FREM2: variants seen among roughly 807,000 people sequenced by gnomAD.
FREM2 encodes FRAS1 related extracellular matrix 2.
Under a neutral mutation model 219.9 loss-of-function variants are expected in FREM2, and 119 were observed. The observed-to-expected ratio is 0.54, with a 90% CI of 0.47 to 0.63. The LOEUF (loss-of-function observed/expected upper bound fraction) is 0.63, where lower values mean the gene tolerates loss of function less well. Among genes scored for constraint, FREM2 ranks in the 30% least tolerant of loss-of-function variants. The pLI is 0.00. For missense variants in FREM2, 4,030 were observed against 3,993.6 expected, an observed-to-expected ratio of 1.01 and a Z score of -0.25; for synonymous variants, 1,562 against 1,522.8, an observed-to-expected ratio of 1.03 and a Z score of -0.60.
Position 38,688,295 on chromosome 13 carries a change from AC to A in FREM2, c.954del (p.Lys319SerfsTer7). 1 of 1,614,064 alleles carries A rather than the reference AC, an allele frequency of 6.2e-7. No homozygotes were observed. Among genetic ancestry groups the A allele is most frequent in the Admixed American group, 1.7e-5 (1 of 60,022 alleles). On this transcript the variant is annotated frameshift_variant, in exon 1 of 24. Coordinates refer to ENST00000280481, the MANE Select transcript of FREM2 (RefSeq NM_207361.6). LOFTEE classifies it high-confidence loss of function. Reference sequence around the variant, plus strand: ...TCCGAGGAGGGGCCGAGAACACTGCACCCAAGCCCAGTTTCGTGGCCATGAT... The same window carrying A: ...TCCGAGGAGGGGCCGAGAACACTGCACCAAGCCCAGTTTCGTGGCCATGAT... ...RIRGGAENTA[P>X]KPSFVAMMMM...
In FREM2 at chr13:38,687,393, T is replaced by G. The variant is rs757813863; in HGVS notation, c.49T>G (p.Ser17Ala). 10 of 1,609,000 alleles carry G rather than the reference T, an allele frequency of 6.2e-6. No individual in the cohort carries two copies. Among genetic ancestry groups the G allele is most frequent in the Non-Finnish European group, 8.5e-6 (10 of 1,178,180 alleles). ...GTTATCCTCGCGCCGGACAGGCAAC[T>G]CCACCAGCTTTCAACCAGGACCGCC... ...PGLSSRRTGNSTSFQPGPPPP... is the reference protein window; with the variant it reads ...PGLSSRRTGNATSFQPGPPPP... The change falls in exon 1 of 24, where the codon TCC becomes GCC. Residue 17 changes from serine to alanine, a missense_variant. Ser to Ala is a moderately conservative substitution (Grantham distance 99). Around this residue, in one of 2 missense-constraint regions of FREM2, gnomAD observed 3,102 missense variants for 2,950.7 expected, o/e 1.05. Transcript: ENST00000280481.
intron 22 of FREM2, among the ~76,000 whole-genome samples, chr13:38,878,529 A>G (rs775467085): frequency 6.6e-6 from 1 of 151,438 alleles, no homozygotes; most frequent in Non-Finnish European, 1.5e-5. Context: ...AATTTTAAAA[A>G]ATTAGCCGAG....
At chr13:38,847,272 C>T (rs948331537) in intron 7 of FREM2, among the ~76,000 whole-genome samples, 8 of 151,732 alleles carry the variant, frequency 5.3e-5, no homozygotes, top group African/African-American at 1.9e-4. Context: ...ATAAAGTTTA[C>T]AGCAAGCATA....
rs148743559 is a variant in FREM2, at chr13:38,718,435, A to G, written c.5263+20648A>G. On this transcript the variant is annotated intron_variant, in intron 2 of 23. Coordinates refer to ENST00000280481, the MANE Select transcript of FREM2 (RefSeq NM_207361.6). ...CTGCTTTTAAGAATTGATGGGACCAAGACCCCCTTTACAATTCCTTCTCCC... is the reference window on the plus strand; with the variant it reads ...CTGCTTTTAAGAATTGATGGGACCAGGACCCCCTTTACAATTCCTTCTCCC... 3.5e-3 allele frequency among the ~76,000 whole-genome samples: 539 copies of G among 152,316 alleles called. 2 individuals are homozygous for G. The highest frequency in any genetic ancestry group is 0.012 in the African/African-American group (512 of 41,574).
At chr13:38,728,375 A>G (rs759537971) in intron 2 of FREM2, among the ~76,000 whole-genome samples, 3 of 152,020 alleles carry the variant, frequency 2.0e-5, no homozygotes, top group Non-Finnish European at 2.9e-5. Context: ...AATAACAGGG[A>G]ACAAATGAAA....
At chr13:38,731,299 G>A (rs890187416) in intron 2 of FREM2, among the ~76,000 whole-genome samples, 1 of 152,114 alleles carries the variant, frequency 6.6e-6, no homozygotes, top group South Asian at 2.1e-4. Flanking sequence ...AACATACAAA[G>A]TAAATGAATA....
intron 6 of FREM2, among the ~76,000 whole-genome samples, chr13:38,798,838 T>G (rs1874894524): frequency 2.0e-5 from 3 of 152,022 alleles, no homozygotes; most frequent in African/African-American, 7.2e-5. Context: ...CTTTCTGATT[T>G]TGTTTATTTG....
intron 3 of FREM2, among the ~76,000 whole-genome samples, chr13:38,768,760 G>T (rs1873540650): frequency 6.6e-6 from 1 of 152,160 alleles, no homozygotes; most frequent in Non-Finnish European, 1.5e-5. Flanking sequence ...GACATTGAAT[G>T]TTTTCACTGC....
chr13:38,721,888 A>G (rs1871282630), intron 2 of FREM2, among the ~76,000 whole-genome samples: 1 of 152,180 alleles, frequency 6.6e-6, no homozygotes. Flanking sequence ...TCCTTCCTGT[A>G]TACTACTTAC....
intron 16 of FREM2, among the ~76,000 whole-genome samples, chr13:38,864,922 A>G (rs1877904917): frequency 6.6e-6 from 1 of 152,192 alleles, no homozygotes; most frequent in Non-Finnish European, 1.5e-5. Flanking sequence ...CTTCTCTTCA[A>G]AGTATACACT....
chr13:38,690,254 G>A lies in FREM2; in HGVS notation c.2910G>A (p.Lys970=), dbSNP rs542932316. ...CTGAAATCACTGCCAATGTTATTAA[G>A]GGGACCAATGAGGAAACTGATGACT... ...GATEITANVI[K]GTNEETDDLM... is the part of the protein sequence containing the mutation. Residue 970 remains lysine, a synonymous_variant, in exon 1 of 24, where the codon AAG becomes AAA. Transcript: ENST00000280481. The A allele has an allele frequency of 6.2e-6, 10 of 1,614,136 alleles. No individual in the cohort carries two copies. The highest frequency in any genetic ancestry group is 1.7e-5 in the Admixed American group (1 of 60,022).
At chr13:38,870,160 C>T (rs894317349) in intron 16 of FREM2, among the ~76,000 whole-genome samples, 6 of 152,066 alleles carry the variant, frequency 3.9e-5, no homozygotes, top group African/African-American at 1.4e-4. Flanking sequence ...ATATATGAAA[C>T]TTTGAGGCTG....
At chr13:38,817,454 A>C (rs1185004616) in intron 6 of FREM2, among the ~76,000 whole-genome samples, 3 of 152,132 alleles carry the variant, frequency 2.0e-5, no homozygotes, top group African/African-American at 7.2e-5. Flanking sequence ...CCAAAAATAC[A>C]TGTTGGGGAA....
rs367561014 is a variant in FREM2 at position 38,818,317 on chromosome 13, G to A, written c.6020-28256G>A. ...ACAATGGATGAATAGATGAAAAAAT[G>A]TGGTATAAAAACCCAACAGAATACT... is the stretch of plus-strand genomic sequence containing the variant. On this transcript the variant is annotated intron_variant, in intron 6 of 23. Transcript: ENST00000280481. Among the ~76,000 whole-genome samples, 91 of 152,118 alleles carry A rather than the reference G, an allele frequency of 6.0e-4. 2 individuals carry two copies. In the South Asian group the frequency reaches 0.011, roughly 19 times the overall value.
At chr13:38,799,128 C>A (rs1397145822) in intron 6 of FREM2, among the ~76,000 whole-genome samples, 1 of 151,900 alleles carries the variant, frequency 6.6e-6, no homozygotes, top group South Asian at 2.1e-4. Flanking sequence ...ATAAACTTCC[C>A]TCTTAGAGCT....
intron 9 of FREM2, 88 bp downstream of exon 9, chr13:38,850,323 G>T: frequency 9.3e-7 from 1 of 1,072,358 alleles, no homozygotes; most frequent in Non-Finnish European, 1.4e-6. Flanking sequence ...CAAGTTCCTC[G>T]ATATCAACAA....
At chr13:38,816,917 A>G (rs1875790316) in intron 6 of FREM2, among the ~76,000 whole-genome samples, 1 of 152,150 alleles carries the variant, frequency 6.6e-6, no homozygotes, top group Non-Finnish European at 1.5e-5. Flanking sequence ...GCATTTCTAT[A>G]TGCTCTTAGT....
At chr13:38,866,041 G>A (rs904176177) in intron 16 of FREM2, among the ~76,000 whole-genome samples, 2 of 152,086 alleles carry the variant, frequency 1.3e-5, no homozygotes, top group African/African-American at 4.8e-5. Flanking sequence ...CTTCCTTCAT[G>A]TCTTCCTTAC....
rs1344900245 is a variant in FREM2, at chr13:38,692,054, C to G, written c.4710C>G (p.Phe1570Leu). ...DRDTPDKLLK[F>L]TITQVPIHGH... ...ATACTCCTGACAAGCTCCTGAAATT[C>G]ACTATCACCCAGGTGCCTATTCATG... The change falls in exon 1 of 24, where the codon TTC (phenylalanine) becomes TTG (leucine). Residue 1570 changes from phenylalanine (F) to leucine (L), a missense_variant. Phe to Leu is a conservative substitution (Grantham distance 22). Coordinates refer to ENST00000280481, the MANE Select transcript of FREM2 (RefSeq NM_207361.6). 1.9e-6 allele frequency: 3 copies of G among 1,614,202 alleles called. No homozygotes were observed. The highest frequency in any genetic ancestry group is 1.7e-6 in the Non-Finnish European group (2 of 1,180,040).
Sources: allele counts gnomAD v4.1 joint callset (sites outside exome capture counted in the v4.1 genomes callset), GRCh38; gene constraint gnomAD v4.1.1; regional missense constraint gnomAD v4.1.1; transcripts MANE v1.5; gene names NCBI Gene and HGNC (gene_info 2026-07-23, HGNC 2026-07-21).